Variants in PIWIL1 observed in about 807,000 individuals in gnomAD.
PIWIL1 encodes the protein piwi-like protein 1.
Under a neutral mutation model 114.4 loss-of-function variants are expected in PIWIL1, and 73 were observed. The observed-to-expected ratio is 0.64, with a 90% confidence interval of 0.53 to 0.78. The LOEUF is 0.78. PIWIL1 is among the 30% of genes least tolerant of loss of function. The pLI is 0.00. For missense variants in PIWIL1, 723 were observed against 1,063.1 expected, an observed-to-expected ratio of 0.68 and a Z score of 4.45; for synonymous variants, 375 against 369.0, an observed-to-expected ratio of 1.02 and a Z score of -0.19.
chr12:130,359,038 T>C (rs11060840), intron 14 of PIWIL1, among the ~76,000 whole-genome samples: 47,668 of 152,122 alleles, frequency 0.31, 9,030 homozygotes, highest in Non-Finnish European at 0.42. Context: ...GTTTTCAACT[T>C]GAAAGCTTTC....
chr12:130,365,871 C>T (rs2073641357), intron 18 of PIWIL1, among the ~76,000 whole-genome samples: 1 of 152,200 alleles, frequency 6.6e-6, no homozygotes, highest in Non-Finnish European at 1.5e-5. Context: ...CACACATTTT[C>T]AACACGTTCA....
chr12:130,357,274 G>A (rs2073388849), intron 13 of PIWIL1, among the ~76,000 whole-genome samples, 169 bp downstream of exon 13: 1 of 151,942 alleles, frequency 6.6e-6, no homozygotes, highest in African/African-American at 2.4e-5. Context: ...GGTGGGAGAA[G>A]CAACCAAGTA....
rs755410536 is a variant in PIWIL1 at position 130,346,990 on chromosome 12, C to A, written c.581C>A (p.Thr194Lys). The A allele has an allele frequency of 1.2e-6, 2 of 1,613,676 alleles. No individual in the cohort carries two copies. The highest frequency in any genetic ancestry group is 1.1e-5 in the South Asian group (1 of 91,034). The part of the protein sequence containing the change: ...KTRNGEDVRI[T>K]ITLTNELPPT... Reference sequence around the variant, plus strand: ...CGGAATGGAGAGGATGTGAGGATAACGATCACTTTAACAAATGAACTTCCA... The same window carrying A: ...CGGAATGGAGAGGATGTGAGGATAAAGATCACTTTAACAAATGAACTTCCA... The change falls in exon 6 of 21, where the codon ACG becomes AAG. Residue 194 changes from threonine to lysine, a missense_variant. Physicochemically the swap from Thr to Lys is moderately conservative, Grantham distance 78 (BLOSUM62 -1). Transcript: ENST00000245255.
the PIWIL1 span, chr12:130,424,891 G>T: frequency 8.4e-7 from 1 of 1,192,756 alleles, no homozygotes; most frequent in Non-Finnish European, 1.1e-6. This position sits in a 1 kb window ranked among gnomAD's most constrained non-coding sequence, Gnocchi z 9.8. Context: ...ACAGGCGCGG[G>T]AAAGAGTGTG....
At chr12:130,381,197 G>A in the PIWIL1 span, among the ~76,000 whole-genome samples, 19 of 152,244 alleles carry the variant, frequency 1.2e-4, no homozygotes, top group Admixed American at 7.8e-4. Context: ...TTCCCTTTGC[G>A]TATTTTGGAT....
At chr12:130,402,170 C>T in the PIWIL1 span, among the ~76,000 whole-genome samples, 2 of 152,170 alleles carry the variant, frequency 1.3e-5, no homozygotes, top group African/African-American at 2.4e-5. Context: ...AAAGTGACGA[C>T]GGGACTTGCT....
the PIWIL1 span, chr12:130,396,049 A>T: frequency 6.6e-6 from 1 of 152,020 alleles, no homozygotes; most frequent in African/African-American, 2.4e-5. Context: ...CGGTAAGGTT[A>T]TGGTGCTTTT....
At chr12:130,376,169 T>C (rs554457631), downstream of PIWIL1, among the ~76,000 whole-genome samples, 6 of 152,228 alleles carry the variant, frequency 3.9e-5, no homozygotes, top group Non-Finnish European at 8.8e-5. Context: ...CCTTAGGCTG[T>C]CCAACACAAT....
At chr12:130,418,127 G>A in the PIWIL1 span, among the ~76,000 whole-genome samples, 75 of 152,192 alleles carry the variant, frequency 4.9e-4, no homozygotes, top group African/African-American at 1.6e-3. Flanking sequence ...AATAAAACAC[G>A]CAGTCTAACA....
chr12:130,343,621 C>CTTTT (rs533583982), intron 3 of PIWIL1, among the ~76,000 whole-genome samples: 12 of 116,496 alleles, frequency 1.0e-4, no homozygotes, highest in South Asian at 2.7e-4. Context: ...TTGAAGGATT[C>CTTTT]TTTTTTTTTT....
intron 9 of PIWIL1, among the ~76,000 whole-genome samples, chr12:130,353,573 T>C (rs1193516095): frequency 6.6e-6 from 1 of 152,178 alleles, no homozygotes; most frequent in Non-Finnish European, 1.5e-5. Flanking sequence ...AAGTCTGTCA[T>C]GGTTCTAGAA....
intron 9 of PIWIL1, among the ~76,000 whole-genome samples, chr12:130,352,377 T>A (rs1297207567): frequency 1.3e-5 from 2 of 151,974 alleles, no homozygotes; most frequent in Non-Finnish European, 2.9e-5. Context: ...TAGAGGAAAA[T>A]GTTTAAAAAT....
chr12:130,353,653 G>C (rs986241620), intron 9 of PIWIL1, among the ~76,000 whole-genome samples: 3 of 152,092 alleles, frequency 2.0e-5, no homozygotes, highest in African/African-American at 7.2e-5. Flanking sequence ...TTGGCTGGGT[G>C]CCGTGACTCA....
At chr12:130,383,768 T>C in the PIWIL1 span, 38 of 152,360 alleles carry the variant, frequency 2.5e-4, no homozygotes, top group African/African-American at 8.7e-4. Flanking sequence ...GTGAGGCATA[T>C]TTGCTTTAAC....
chr12:130,371,719 G>T lies in PIWIL1; in HGVS notation c.*121G>T. On this transcript the variant is annotated 3_prime_UTR_variant, in exon 21 of 21. Coordinates refer to ENST00000245255, the MANE Select transcript of PIWIL1 (RefSeq NM_004764.5). ...ATGAAACTTGGGAAGGGGATTAGGA[G>T]ATCTAGCATTTTATTTCTAGCATTG... The T allele has an allele frequency of 1.8e-6, 1 of 558,092 alleles. No individual in the cohort carries two copies. Among genetic ancestry groups the T allele is most frequent in the Non-Finnish European group, 3.2e-6 (1 of 316,982 alleles). The allele number at this position is 558,092 out of a possible 1,614,324, so 34.6% of individuals were successfully genotyped here.
At chr12:130,353,491 G>T (rs930735654) in intron 9 of PIWIL1, among the ~76,000 whole-genome samples, 1 of 151,994 alleles carries the variant, frequency 6.6e-6, no homozygotes, top group Non-Finnish European at 1.5e-5. Flanking sequence ...TTTTTGGCAA[G>T]ATACAGGATA....
Position 130,354,950 on chromosome 12 carries a change from C to CT in PIWIL1, c.1235dup (p.Thr413AsnfsTer8). The stretch of plus-strand genomic sequence containing the variant: ...GAAAGACTTAGCCGTTCATACAAGA[C>CT]TAACTCCAGAGCAAAGGCAGCGTGA... On this transcript the variant is annotated frameshift_variant, in exon 11 of 21. Transcript: ENST00000245255. LOFTEE classifies it high-confidence loss of function. 6.2e-7 allele frequency: 1 copy of CT among 1,613,970 alleles called. No individual in the cohort carries two copies.
At position 130,348,155 on chromosome 12, in the gene PIWIL1, A is replaced by G. The variant is rs1437134501; in HGVS notation, c.706A>G (p.Asn236Asp). ...QQIGRNYYNP[N>D]DPIDIPSHRL... ...AATTGGACGAAATTATTATAACCCA[A>G]ATGACCCAATTGATATTCCAAGTCA... The change falls in exon 7 of 21, where the codon AAT becomes GAT. Residue 236 changes from asparagine to aspartate, a missense_variant. Coordinates refer to ENST00000245255, the MANE Select transcript of PIWIL1 (RefSeq NM_004764.5). 1 of 1,605,802 alleles carries G rather than the reference A, an allele frequency of 6.2e-7. No individual in the cohort carries two copies.
At chr12:130,383,902 A>G in the PIWIL1 span, 5 of 152,342 alleles carry the variant, frequency 3.3e-5, no homozygotes, top group Admixed American at 2.6e-4. Context: ...GTTTTATTCT[A>G]TAGATGTATA....
Sources: gnomAD v4.1 joint callset for allele counts (sites outside exome capture counted in the v4.1 genomes callset) on GRCh38, gnomAD v4.1.1 for gene constraint, Gnocchi (gnomAD v3.1) non-coding constraint, MANE v1.5 for transcripts, NCBI Gene and HGNC (gene_info 2026-07-23, HGNC 2026-07-21) for gene names.